The following ARHGAP31 variants were observed in gnomAD, a reference collection of about 807,000 sequenced individuals.
ARHGAP31 encodes the protein rho GTPase-activating protein 31.
A neutral mutation model predicts 113.9 loss-of-function variants in ARHGAP31; 34 were observed. The ratio of observed to expected loss-of-function variants is 0.30; its 90% confidence interval spans 0.23 to 0.40. The LOEUF (loss-of-function observed/expected upper bound fraction) is 0.40. ARHGAP31 is among the 10% of genes least tolerant of loss of function. The probability of loss-of-function intolerance (pLI) is 1.00; values close to 1 mark genes in which losing one functional copy is unlikely to be tolerated. For missense variants in ARHGAP31, 1,548 were observed against 1,767.1 expected, an observed-to-expected ratio of 0.88 and a Z score of 2.22; for synonymous variants, 650 against 684.8, an observed-to-expected ratio of 0.95 and a Z score of 0.79.
intron 6 of ARHGAP31, among the ~76,000 whole-genome samples, chr3:119,387,194 G>A (rs888210645): frequency 6.6e-6 from 1 of 152,152 alleles, no homozygotes; most frequent in Non-Finnish European, 1.5e-5. Flanking sequence ...GCCTGGTAAC[G>A]GGCGTCTTCC....
rs2080759181 is a variant in ARHGAP31 at position 119,414,941 on chromosome 3, G to A, written c.3012G>A (p.Leu1004=). ...TTACTGGATGGGATGAGAAAGCCCT[G>A]AGGTCCTTCAGAGAGTTCTCTGGCC... ...REITGWDEKA[L]RSFREFSGLK... Residue 1004 remains leucine, a synonymous_variant, in exon 12 of 12, where the codon CTG becomes CTA. Coordinates refer to ENST00000264245, the MANE Select transcript of ARHGAP31 (RefSeq NM_020754.4). The A allele has an allele frequency of 6.2e-7, 1 of 1,614,202 alleles. No homozygotes were observed.
At chr3:119,381,497 G>C (rs778482429) in intron 4 of ARHGAP31, among the ~76,000 whole-genome samples, 2 of 152,128 alleles carry the variant, frequency 1.3e-5, no homozygotes, top group Non-Finnish European at 2.9e-5. Context: ...TTACAAGGGG[G>C]CAGATTTTGA....
intron 1 of ARHGAP31, among the ~76,000 whole-genome samples, chr3:119,337,453 CACCAACATTTACTGCAA>C (rs1188086236): frequency 6.6e-6 from 1 of 152,146 alleles, no homozygotes; most frequent in Non-Finnish European, 1.5e-5. Flanking sequence ...GAGTGACCAG[CACCAACATTTACTGCAA>C]AAAGCAAAAG....
At chr3:119,383,573 C>T (rs971769946) in intron 6 of ARHGAP31, among the ~76,000 whole-genome samples, 2 of 152,222 alleles carry the variant, frequency 1.3e-5, no homozygotes, top group Non-Finnish European at 2.9e-5. Context: ...TGCCAGCATT[C>T]TTCTCATTGA....
intron 1 of ARHGAP31, among the ~76,000 whole-genome samples, chr3:119,323,914 TC>T (rs2079817504): frequency 6.6e-6 from 1 of 152,186 alleles, no homozygotes. Context: ...ACATTTCCTG[TC>T]CTCCCCCTTC....
At chr3:119,373,754 G>A (rs951353863) in intron 3 of ARHGAP31, among the ~76,000 whole-genome samples, 4 of 151,962 alleles carry the variant, frequency 2.6e-5, no homozygotes, top group African/African-American at 4.8e-5. Flanking sequence ...GTGAGCCACC[G>A]CACCCAGCTG....
chr3:119,325,581 G>A (rs907765896), intron 1 of ARHGAP31, among the ~76,000 whole-genome samples: 1 of 148,992 alleles, frequency 6.7e-6, no homozygotes, highest in African/African-American at 2.5e-5. Flanking sequence ...TTGAACCAGG[G>A]GAGAAAGGGT....
chr3:119,397,770 C>T (rs1347419268), intron 8 of ARHGAP31, among the ~76,000 whole-genome samples: 1 of 152,220 alleles, frequency 6.6e-6, no homozygotes, highest in African/African-American at 2.4e-5. Context: ...AGTTACAGCT[C>T]AATTTTGGTT....
At chr3:119,306,614 A>C (rs1401281933) in intron 1 of ARHGAP31, among the ~76,000 whole-genome samples, 1 of 152,202 alleles carries the variant, frequency 6.6e-6, no homozygotes, top group African/African-American at 2.4e-5. Flanking sequence ...GGGTCGATGG[A>C]GAACATATGA....
chr3:119,414,974 G>A lies in ARHGAP31; in HGVS notation c.3045G>A (p.Gly1015=), dbSNP rs761143486. The A allele has an allele frequency of 2.2e-5, 36 of 1,614,144 alleles. No homozygotes were observed. The highest frequency in any genetic ancestry group is 2.9e-5 in the Non-Finnish European group (34 of 1,180,022). Reference sequence around the variant, plus strand: ...TCAGAGAGTTCTCTGGCCTGAAAGGGGCAGAGGCTCCTCCCAACCAGAAGG... The same window carrying A: ...TCAGAGAGTTCTCTGGCCTGAAAGGAGCAGAGGCTCCTCCCAACCAGAAGG... ...RSFREFSGLK[G]AEAPPNQKGP... Residue 1015 remains glycine, a synonymous_variant, in exon 12 of 12, where the codon GGG becomes GGA. Coordinates refer to ENST00000264245, the MANE Select transcript of ARHGAP31 (RefSeq NM_020754.4).
At chr3:119,296,908 A>C (rs1317382826) in intron 1 of ARHGAP31, among the ~76,000 whole-genome samples, 3 of 152,140 alleles carry the variant, frequency 2.0e-5, no homozygotes, top group Non-Finnish European at 4.4e-5. Context: ...CTGGCCTGTT[A>C]GGTTCCTCTG....
At chr3:119,350,657 C>A (rs2080103431) in intron 1 of ARHGAP31, among the ~76,000 whole-genome samples, 2 of 151,940 alleles carry the variant, frequency 1.3e-5, no homozygotes, top group African/African-American at 4.8e-5. Context: ...ATTCCAGCCC[C>A]CGTAAAAATA....
chr3:119,413,407 C>G (rs749546199), intron 11 of ARHGAP31, among the ~76,000 whole-genome samples: 3 of 151,892 alleles, frequency 2.0e-5, no homozygotes, highest in Admixed American at 6.6e-5. Context: ...TTTCATTCCA[C>G]TGGAAGACTC....
At position 119,409,622 on chromosome 3, in the gene ARHGAP31, A is replaced by G. The variant is rs188838755; in HGVS notation, c.1772A>G (p.Glu591Gly). 2.5e-6 allele frequency: 4 copies of G among 1,613,882 alleles called. No individual in the cohort carries two copies. The highest frequency in any genetic ancestry group is 1.3e-5 in the African/African-American group (1 of 75,048). Reference sequence around the variant, plus strand: ...CACCTGGAGGAGAAGAAAACCCCAGAAAGCTCCTTGAGCTCTCAACATTTA... The same window carrying G: ...CACCTGGAGGAGAAGAAAACCCCAGGAAGCTCCTTGAGCTCTCAACATTTA... Reference protein sequence around the residue: ...GAHLEEKKTPESSLSSQHLNE... With the variant: ...GAHLEEKKTPGSSLSSQHLNE... The change falls in exon 11 of 12, where the codon GAA becomes GGA. Residue 591 changes from glutamate to glycine, a missense_variant. Coordinates refer to ENST00000264245, the MANE Select transcript of ARHGAP31 (RefSeq NM_020754.4).
At chr3:119,388,308 T>TATATATATA (rs1553765977) in intron 6 of ARHGAP31, among the ~76,000 whole-genome samples, 2,137 of 133,654 alleles carry the variant, frequency 0.016, 74 homozygotes, top group African/African-American at 0.04. Flanking sequence ...TGTATAATTT[T>TATATATATA]TATATATATA....
chr3:119,341,213 G>A (rs1232788148), intron 1 of ARHGAP31, among the ~76,000 whole-genome samples: 1 of 152,206 alleles, frequency 6.6e-6, no homozygotes, highest in African/African-American at 2.4e-5. Flanking sequence ...TTTAGTCTAG[G>A]TAGAGTTAGA....
chr3:119,370,646 T>C (rs1307882328), intron 3 of ARHGAP31, among the ~76,000 whole-genome samples: 2 of 152,184 alleles, frequency 1.3e-5, no homozygotes, highest in African/African-American at 4.8e-5. Flanking sequence ...GGGGATGCTT[T>C]TAATTCAACA....
At chr3:119,405,582 G>A (rs2080653644) in intron 10 of ARHGAP31, among the ~76,000 whole-genome samples, 1 of 152,134 alleles carries the variant, frequency 6.6e-6, no homozygotes, top group African/African-American at 2.4e-5. Context: ...CTACCCTCAG[G>A]AGGCTGAGGA....
At chr3:119,318,099 CAA>C (rs779324945) in intron 1 of ARHGAP31, among the ~76,000 whole-genome samples, 2 of 94,676 alleles carry the variant, frequency 2.1e-5, no homozygotes, top group Non-Finnish European at 4.6e-5. Context: ...TTGGTCTGTA[CAA>C]AAAAAAAAAA....
Sources: allele counts gnomAD v4.1 joint callset (sites outside exome capture counted in the v4.1 genomes callset), GRCh38; gene constraint gnomAD v4.1.1; transcripts MANE v1.5; gene names NCBI Gene and HGNC (gene_info 2026-07-23, HGNC 2026-07-21).